Variants in PDE7B observed in about 807,000 individuals in gnomAD.
PDE7B encodes the protein phosphodiesterase 7B.
PDE7B carries 29 observed loss-of-function variants against 56.2 expected under a neutral mutation model. The ratio of observed to expected loss-of-function variants is 0.52; its 90% CI spans 0.38 to 0.70. PDE7B has a LOEUF of 0.70. PDE7B is among the 30% of genes least tolerant of loss of function. The probability of loss-of-function intolerance (pLI) is 0.00; values close to 1 mark genes in which losing one functional copy is unlikely to be tolerated. For missense variants in PDE7B, 490 were observed against 565.0 expected, an observed-to-expected ratio of 0.87 and a Z score of 1.35; for synonymous variants, 197 against 196.9, an observed-to-expected ratio of 1.00 and a Z score of 0.00.
At position 136,038,603 on chromosome 6, in the gene PDE7B, G is replaced by C. The variant is rs575841319; in HGVS notation, c.83-70128G>C. 6.1e-5 allele frequency: 69 copies of C among 1,125,040 alleles called. 1 individual carries two copies. The South Asian group carries it at 1.0e-3, about 16-fold the overall frequency. The allele number at this position is 1,125,040 out of a possible 1,614,324, so 69.7% of individuals were successfully genotyped here. ...AACTCCCTTTCTTTGTAGAGTCCAA[G>C]CCATAGGGAGGAAAATGAACTGTGT... On this transcript the variant is annotated intron_variant, in intron 2 of 12. Coordinates refer to ENST00000308191, the MANE Select transcript of PDE7B (RefSeq NM_018945.4).
chr6:136,030,599 ATCATCTGGTCACCAT>A (rs1214811400), intron 2 of PDE7B, among the ~76,000 whole-genome samples: 1 of 152,230 alleles, frequency 6.6e-6, no homozygotes, highest in Non-Finnish European at 1.5e-5. Context: ...TCTTTGAGGA[ATCATCTGGTCACCAT>A]TCACTCATGC....
intron 2 of PDE7B, chr6:136,034,126 A>G (rs1776287400): frequency 6.6e-6 from 1 of 152,200 alleles, no homozygotes; most frequent in African/African-American, 2.4e-5. Flanking sequence ...CAAGGGATAT[A>G]TGTTTCTAAG....
intron 2 of PDE7B, among the ~76,000 whole-genome samples, chr6:136,039,652 A>G (rs369498795): frequency 1.3e-5 from 2 of 152,308 alleles, no homozygotes; most frequent in African/African-American, 4.8e-5. Context: ...GGAGAAAAAA[A>G]CAGGGTTGGT....
intron 2 of PDE7B, among the ~76,000 whole-genome samples, chr6:135,989,621 A>C (rs1448184445): frequency 6.8e-6 from 1 of 146,982 alleles, no homozygotes; most frequent in Non-Finnish European, 1.5e-5. Flanking sequence ...TCTCCAAAAT[A>C]ATAATAATAA....
At position 136,076,608 on chromosome 6, in the gene PDE7B, T is replaced by C. The variant is rs563142089; in HGVS notation, c.83-32123T>C. On this transcript the variant is annotated intron_variant, in intron 2 of 12. Coordinates refer to ENST00000308191, the MANE Select transcript of PDE7B (RefSeq NM_018945.4). ...AAATAAAAGAATTGGTTCGAAGTCT[T>C]TATGAGTTGCAGTTAGACGCCCAGA... Among the ~76,000 whole-genome samples the C allele has an allele frequency of 6.6e-5, 10 of 152,198 alleles. No homozygotes were observed. In the South Asian group the frequency reaches 1.7e-3, roughly 25 times the overall value.
chr6:136,165,067 T>C (rs1294744403), intron 8 of PDE7B, among the ~76,000 whole-genome samples: 2 of 152,344 alleles, frequency 1.3e-5, no homozygotes, highest in South Asian at 2.1e-4. Flanking sequence ...GAGGAAAGTA[T>C]AGTTTTTCAA....
chr6:135,862,320 T>C (rs968714876), intron 1 of PDE7B, among the ~76,000 whole-genome samples: 3 of 151,808 alleles, frequency 2.0e-5, no homozygotes, highest in Non-Finnish European at 4.4e-5. Context: ...TTATTCTGTT[T>C]ATAGGTGATT....
chr6:135,942,867 G>GTT (rs2128198832), intron 1 of PDE7B, among the ~76,000 whole-genome samples: 1 of 152,148 alleles, frequency 6.6e-6, no homozygotes, highest in South Asian at 2.1e-4. Flanking sequence ...CATTGTGTGT[G>GTT]TGTGTGTATC....
chr6:135,947,250 G>A (rs1248979631), intron 1 of PDE7B, among the ~76,000 whole-genome samples: 1 of 151,980 alleles, frequency 6.6e-6, no homozygotes, highest in Non-Finnish European at 1.5e-5. Flanking sequence ...TCTATGCAGG[G>A]GCATAAGGCA....
At chr6:136,150,511 G>A (rs968501996) in intron 5 of PDE7B, among the ~76,000 whole-genome samples, 2 of 152,152 alleles carry the variant, frequency 1.3e-5, no homozygotes, top group African/African-American at 2.4e-5. Context: ...AACATTAGTT[G>A]GCTGCAGAAG....
intron 3 of PDE7B, among the ~76,000 whole-genome samples, chr6:136,129,112 T>C (rs1778072995): frequency 6.6e-6 from 1 of 152,242 alleles, no homozygotes; most frequent in African/African-American, 2.4e-5. Flanking sequence ...GTATTGGGCA[T>C]ATACCATGTA....
At chr6:135,943,502 A>G (rs1295196068) in intron 1 of PDE7B, among the ~76,000 whole-genome samples, 1 of 152,202 alleles carries the variant, frequency 6.6e-6, no homozygotes, top group Non-Finnish European at 1.5e-5. Context: ...AATATTCGAG[A>G]ATCTATATAT....
chr6:135,955,210 C>G lies in PDE7B; in HGVS notation c.82+7686C>G, dbSNP rs543592362. On this transcript the variant is annotated intron_variant, in intron 2 of 12. Coordinates refer to ENST00000308191, the MANE Select transcript of PDE7B (RefSeq NM_018945.4). ...TCAGCAAGCTCCCAATCTAGTGACA[C>G]AGGGACGACCACACAAACAATGACA... 2.0e-5 allele frequency among the ~76,000 whole-genome samples: 3 copies of G among 152,146 alleles called. No homozygotes were observed. The South Asian group carries it at 6.2e-4, about 32-fold the overall frequency.
At chr6:135,937,272 C>T (rs1774437121) in intron 1 of PDE7B, among the ~76,000 whole-genome samples, 1 of 152,164 alleles carries the variant, frequency 6.6e-6, no homozygotes, top group Admixed American at 6.5e-5. Context: ...CTGTGAGCTG[C>T]GGGGCCTTCT....
At chr6:136,160,552 A>G (rs1778687614) in intron 8 of PDE7B, among the ~76,000 whole-genome samples, 1 of 152,112 alleles carries the variant, frequency 6.6e-6, no homozygotes, top group Non-Finnish European at 1.5e-5. Flanking sequence ...CACCAGCATC[A>G]TCCTCTCATC....
intron 9 of PDE7B, among the ~76,000 whole-genome samples, chr6:136,174,325 G>A (rs1191166558): frequency 1.3e-5 from 2 of 152,162 alleles, no homozygotes; most frequent in African/African-American, 4.8e-5. Context: ...AAAAATAGAA[G>A]TCAGAAATTC....
At chr6:135,887,524 C>A (rs1775731190) in intron 1 of PDE7B, among the ~76,000 whole-genome samples, 1 of 151,924 alleles carries the variant, frequency 6.6e-6, no homozygotes, top group Admixed American at 6.6e-5. Flanking sequence ...GATGGTGAAC[C>A]CAATATTGAC....
intron 11 of PDE7B, among the ~76,000 whole-genome samples, chr6:136,183,847 G>A (rs1779106265): frequency 6.6e-6 from 1 of 151,918 alleles, no homozygotes; most frequent in South Asian, 2.1e-4. Flanking sequence ...GTTAAGCAAA[G>A]GAAAACCCTT....
chr6:136,123,008 C>T (rs983868724), intron 3 of PDE7B, among the ~76,000 whole-genome samples: 8 of 152,288 alleles, frequency 5.3e-5, no homozygotes, highest in African/African-American at 1.9e-4. Flanking sequence ...ATGTGTCAGG[C>T]GCTCTTCTAA....
Sources: gnomAD v4.1 joint callset for allele counts (sites outside exome capture counted in the v4.1 genomes callset) on GRCh38, gnomAD v4.1.1 for gene constraint, MANE v1.5 for transcripts, NCBI Gene and HGNC (gene_info 2026-07-23, HGNC 2026-07-21) for gene names.